The following KCNE1 variants were observed in gnomAD, a reference collection of about 807,000 sequenced individuals.
KCNE1 encodes the protein potassium voltage-gated channel subfamily E member 1.
KCNE1 carries 1 observed loss-of-function variant against 2.9 expected under a neutral mutation model. The observed-to-expected ratio is 0.34, with a 90% CI of 0.12 to 1.62. The LOEUF (loss-of-function observed/expected upper bound fraction) is 1.62, where lower values mean the gene tolerates loss of function less well. Ranked by LOEUF, KCNE1 falls within the 40% of genes most tolerant of loss-of-function variation. The pLI is 0.36. For synonymous variants in KCNE1, 23 were observed against 65.4 expected (o/e 0.35, Z 3.13); for missense variants, 45 against 150.5 (o/e 0.30, Z 3.67).
At chr21:34,504,457 C>T (rs1983357079) in intron 2 of KCNE1, among the ~76,000 whole-genome samples, 1 of 152,202 alleles carries the variant, frequency 6.6e-6, no homozygotes, top group African/African-American at 2.4e-5. Context: ...CAGAACACTC[C>T]TACGCTGCTG....
chr21:34,508,579 G>A (rs1165003300), intron 2 of KCNE1, among the ~76,000 whole-genome samples: 1 of 152,148 alleles, frequency 6.6e-6, no homozygotes. Flanking sequence ...CTGACCTCAG[G>A]TGATCCACCC....
At chr21:34,507,853 C>T (rs1448687455) in intron 2 of KCNE1, among the ~76,000 whole-genome samples, 1 of 152,198 alleles carries the variant, frequency 6.6e-6, no homozygotes, top group Admixed American at 6.5e-5. Flanking sequence ...AACGACACCA[C>T]TACCTGGAAT....
chr21:34,500,932 T>A (rs1188519761), intron 2 of KCNE1, among the ~76,000 whole-genome samples: 2 of 152,222 alleles, frequency 1.3e-5, no homozygotes, highest in African/African-American at 4.8e-5. Context: ...TCTCGATATT[T>A]GGTTAGTTGC....
chr21:34,504,477 T>G (rs1030339810), intron 2 of KCNE1, among the ~76,000 whole-genome samples: 10 of 152,204 alleles, frequency 6.6e-5, no homozygotes, highest in Admixed American at 3.9e-4. Flanking sequence ...GGTGGCAATG[T>G]AAAACGGTAC....
intron 2 of KCNE1, among the ~76,000 whole-genome samples, chr21:34,496,548 T>C (rs1284314383): frequency 6.6e-6 from 1 of 151,702 alleles, no homozygotes; most frequent in African/African-American, 2.4e-5. Context: ...TCAGTTTTCT[T>C]AAATTTATTG....
At chr21:34,504,042 C>A (rs545698326) in intron 2 of KCNE1, among the ~76,000 whole-genome samples, 4 of 152,318 alleles carry the variant, frequency 2.6e-5, no homozygotes, top group African/African-American at 9.6e-5. Context: ...GAAATGTTCA[C>A]CTAAACAGCT....
chr21:34,511,004 G>A, intron 2 of KCNE1, 97 bp downstream of exon 2: 1 of 317,806 alleles, frequency 3.1e-6, no homozygotes, highest in African/African-American at 2.3e-5. Flanking sequence ...GTCAATGGAT[G>A]AGCGCCTCTC....
At chr21:34,503,983 T>G (rs574083840) in intron 2 of KCNE1, among the ~76,000 whole-genome samples, 18 of 152,224 alleles carry the variant, frequency 1.2e-4, no homozygotes, top group African/African-American at 4.3e-4. Context: ...AGCTACCCAC[T>G]AGTAAGCACC....
At chr21:34,502,647 C>T (rs907947210) in intron 2 of KCNE1, among the ~76,000 whole-genome samples, 1 of 152,222 alleles carries the variant, frequency 6.6e-6, no homozygotes. Flanking sequence ...CCTGACTCCA[C>T]CTGATGACTT....
chr21:34,507,491 T>C (rs1366897680), intron 2 of KCNE1, among the ~76,000 whole-genome samples: 1 of 152,180 alleles, frequency 6.6e-6, no homozygotes, highest in East Asian at 1.9e-4. Flanking sequence ...TCATCAGAAC[T>C]TCTTTCTGAA....
At chr21:34,502,789 G>A (rs1983246555) in intron 2 of KCNE1, among the ~76,000 whole-genome samples, 1 of 152,230 alleles carries the variant, frequency 6.6e-6, no homozygotes. Flanking sequence ...GCCAAGGCTG[G>A]TAATGACACA....
At chr21:34,504,222 G>A (rs537708943) in intron 2 of KCNE1, among the ~76,000 whole-genome samples, 136 of 151,810 alleles carry the variant, frequency 9.0e-4, no homozygotes, top group African/African-American at 3.2e-3. Flanking sequence ...GAGGGTAGAG[G>A]TTGAGGAAGA....
chr21:34,511,374 T>A, intron 1 of KCNE1, 59 bp from the exon 2 acceptor site: 1 of 833,588 alleles, frequency 1.2e-6, no homozygotes, highest in African/African-American at 1.8e-5. Context: ...TGTTGGGAGG[T>A]GGGACCTAAT....
chr21:34,503,322 G>A (rs965381597), intron 2 of KCNE1, among the ~76,000 whole-genome samples: 2 of 152,202 alleles, frequency 1.3e-5, no homozygotes, highest in Non-Finnish European at 2.9e-5. Context: ...CTGAAAGGGA[G>A]GCACAGGATG....
intron 2 of KCNE1, 66 bp downstream of exon 2, chr21:34,511,035 G>T: frequency 1.9e-6 from 1 of 516,378 alleles, no homozygotes; most frequent in Non-Finnish European, 2.5e-6. Context: ...ATGTCAGGGT[G>T]GGCATGAGGG....
At position 34,508,345 on chromosome 21, in the gene KCNE1, T is replaced by TATTTA. The variant is rs1422258919; in HGVS notation, c.-162+2751_-162+2755dup. Among the ~76,000 whole-genome samples, 1,188 of 151,866 alleles carry TATTTA rather than the reference T, an allele frequency of 7.8e-3. 20 individuals are homozygous for TATTTA. The highest frequency in any genetic ancestry group is 0.027 in the African/African-American group (1,121 of 41,390). ...ACTGGCTGGGTTTTATATTTTATTT[T>TATTTA]ATTTATTTATTTATTTAGACTGAGT... On this transcript the variant is annotated intron_variant, in intron 2 of 3. Transcript: ENST00000399286.
intron 2 of KCNE1, among the ~76,000 whole-genome samples, chr21:34,499,335 C>T (rs1236074458): frequency 3.3e-5 from 5 of 152,240 alleles, no homozygotes; most frequent in Admixed American, 6.5e-5. Flanking sequence ...AAAGCAAGCA[C>T]AGCTTTCGGG....
At chr21:34,497,620 C>G (rs942319391) in intron 2 of KCNE1, among the ~76,000 whole-genome samples, 2 of 151,958 alleles carry the variant, frequency 1.3e-5, no homozygotes, top group African/African-American at 4.8e-5. Context: ...AAGAGTCTTT[C>G]CTTCATCTTG....
intron 2 of KCNE1, among the ~76,000 whole-genome samples, chr21:34,506,730 C>T (rs1158922383): frequency 2.6e-5 from 4 of 152,178 alleles, no homozygotes; most frequent in African/African-American, 9.7e-5. Context: ...AACTCATTGG[C>T]AAACTAGCTG....
Sources: gnomAD v4.1 joint callset for allele counts (sites outside exome capture counted in the v4.1 genomes callset) on GRCh38, gnomAD v4.1.1 for gene constraint, MANE v1.5 for transcripts, NCBI Gene and HGNC (gene_info 2026-07-23, HGNC 2026-07-21) for gene names.